The following ZMYM4 variants were observed in gnomAD, a reference collection of about 807,000 sequenced individuals.
ZMYM4 encodes the protein zinc finger MYM-type containing 4, also known as zinc finger MYM-type protein 4.
In ZMYM4, 31 loss-of-function variants were observed where a neutral mutation model predicts 183.2. The ratio of observed to expected loss-of-function variants is 0.17; its 90% CI spans 0.13 to 0.23. The LOEUF (loss-of-function observed/expected upper bound fraction) is 0.23, where lower values mean the gene tolerates loss of function less well. Among genes scored for constraint, ZMYM4 ranks in the 10% least tolerant of loss-of-function variants. The probability of loss-of-function intolerance (pLI) is 1.00; values close to 1 mark genes in which losing one functional copy is unlikely to be tolerated. For missense variants in ZMYM4, 1,273 were observed against 1,840.3 expected, an observed-to-expected ratio of 0.69 and a Z score of 5.64; for synonymous variants, 592 against 631.2, an observed-to-expected ratio of 0.94 and a Z score of 0.93.
At chr1:35,382,530 C>T (rs987906014) in intron 9 of ZMYM4, among the ~76,000 whole-genome samples, 6 of 151,182 alleles carry the variant, frequency 4.0e-5, no homozygotes, top group African/African-American at 1.2e-4. Context: ...GCAACCTCCA[C>T]CTCCCTGGTT....
At chr1:35,346,650 CAA>C (rs746472685) in intron 2 of ZMYM4, among the ~76,000 whole-genome samples, 8,187 of 53,972 alleles carry the variant, frequency 0.15, 319 homozygotes, top group East Asian at 0.38. Context: ...GACTCCATCT[CAA>C]AAAAAAAAAA....
intron 1 of ZMYM4, among the ~76,000 whole-genome samples, chr1:35,316,692 A>G (rs1303636051): frequency 6.6e-6 from 1 of 152,246 alleles, no homozygotes; most frequent in Admixed American, 6.5e-5. Flanking sequence ...TTTGCAAAAA[A>G]AGATGAAAGT....
At chr1:35,345,174 C>A (rs1643346521) in intron 2 of ZMYM4, among the ~76,000 whole-genome samples, 1 of 152,138 alleles carries the variant, frequency 6.6e-6, no homozygotes, top group Non-Finnish European at 1.5e-5. Flanking sequence ...TGCTTCTGGG[C>A]CTCTTGGCTA....
intron 27 of ZMYM4, among the ~76,000 whole-genome samples, chr1:35,414,845 A>G (rs568805126): frequency 9.2e-5 from 14 of 151,972 alleles, no homozygotes; most frequent in African/African-American, 3.1e-4. Context: ...CCAGGAGTTC[A>G]AGATCAGCCT....
At chr1:35,320,912 A>G (rs1341173455) in intron 1 of ZMYM4, among the ~76,000 whole-genome samples, 1 of 152,030 alleles carries the variant, frequency 6.6e-6, no homozygotes, top group Non-Finnish European at 1.5e-5. Flanking sequence ...CCTTTATAGA[A>G]TCTTGATTTC....
intron 2 of ZMYM4, 95 bp from the exon 3 acceptor site, chr1:35,358,830 G>GA (rs1325272615): frequency 9.1e-7 from 1 of 1,095,418 alleles, no homozygotes; most frequent in Non-Finnish European, 1.3e-6. Context: ...TATTTTGTTT[G>GA]AAAAAATATT....
chr1:35,305,898 T>A (rs1253923530), intron 1 of ZMYM4, among the ~76,000 whole-genome samples: 2 of 152,168 alleles, frequency 1.3e-5, no homozygotes, highest in Non-Finnish European at 2.9e-5. Flanking sequence ...TGGTTATATA[T>A]AATATCAGGG....
intron 2 of ZMYM4, among the ~76,000 whole-genome samples, chr1:35,330,828 A>G (rs908943540): frequency 7.2e-5 from 11 of 152,158 alleles, no homozygotes; most frequent in African/African-American, 2.7e-4. Context: ...ATCTTTCATT[A>G]CCTGTTTCTG....
intron 20 of ZMYM4, among the ~76,000 whole-genome samples, chr1:35,397,797 A>G (rs1221736650): frequency 1.3e-5 from 2 of 152,182 alleles, no homozygotes; most frequent in African/African-American, 2.4e-5. Flanking sequence ...TCAAGATTTC[A>G]TGATCATTTT....
chr1:35,412,124 C>T (rs1420313283), intron 26 of ZMYM4, among the ~76,000 whole-genome samples: 6 of 152,104 alleles, frequency 3.9e-5, no homozygotes, highest in Non-Finnish European at 7.3e-5. Flanking sequence ...TGTGATCCGC[C>T]CGCCTTAGCC....
chr1:35,308,257 G>T (rs1641636462), intron 1 of ZMYM4, among the ~76,000 whole-genome samples: 1 of 152,166 alleles, frequency 6.6e-6, no homozygotes, highest in Non-Finnish European at 1.5e-5. Context: ...CTCCCAAAGT[G>T]CTGGGATTAC....
At chr1:35,324,661 G>T (rs544512276) in intron 1 of ZMYM4, among the ~76,000 whole-genome samples, 6 of 152,228 alleles carry the variant, frequency 3.9e-5, no homozygotes, top group African/African-American at 1.4e-4. Context: ...CTTACAGTAG[G>T]CAAGGTTTAT....
chr1:35,313,918 A>G (rs1641918639), intron 1 of ZMYM4, among the ~76,000 whole-genome samples: 1 of 152,216 alleles, frequency 6.6e-6, no homozygotes, highest in Admixed American at 6.5e-5. Flanking sequence ...GCCTAAATTT[A>G]AAATAGAGCC....
chr1:35,302,687 A>T (rs972759175), intron 1 of ZMYM4, among the ~76,000 whole-genome samples: 1 of 151,636 alleles, frequency 6.6e-6, no homozygotes, highest in Non-Finnish European at 1.5e-5. Flanking sequence ...GCCCAGCCTA[A>T]TTTGACTATT....
chr1:35,270,036 C>T (rs1054301690), intron 1 of ZMYM4, among the ~76,000 whole-genome samples: 1 of 152,114 alleles, frequency 6.6e-6, no homozygotes, highest in Non-Finnish European at 1.5e-5. Context: ...TTCAGCTTAG[C>T]GTAAAATTAG....
intron 2 of ZMYM4, among the ~76,000 whole-genome samples, chr1:35,353,472 T>C (rs557276950): frequency 6.6e-6 from 1 of 152,338 alleles, no homozygotes; most frequent in South Asian, 2.1e-4. Context: ...AGATCCATTC[T>C]GTTTATTTCT....
At chr1:35,303,731 A>G (rs1364070488) in intron 1 of ZMYM4, among the ~76,000 whole-genome samples, 1 of 151,862 alleles carries the variant, frequency 6.6e-6, no homozygotes, top group Admixed American at 6.6e-5. Context: ...GCTGTTCTTT[A>G]TTTTCTATTT....
intron 5 of ZMYM4, among the ~76,000 whole-genome samples, chr1:35,368,756 A>G (rs1464344480): frequency 6.6e-6 from 1 of 152,146 alleles, no homozygotes; most frequent in Non-Finnish European, 1.5e-5. Flanking sequence ...TCGTGGCATT[A>G]CTGATTGTAC....
chr1:35,398,161 C>T (rs1308537967), intron 20 of ZMYM4, among the ~76,000 whole-genome samples: 1 of 152,120 alleles, frequency 6.6e-6, no homozygotes, highest in Non-Finnish European at 1.5e-5. Context: ...AGTGGCGGAA[C>T]CAGAACTTGA....
Sources: allele counts gnomAD v4.1 joint callset (sites outside exome capture counted in the v4.1 genomes callset), GRCh38; gene constraint gnomAD v4.1.1; transcripts MANE v1.5; gene names NCBI Gene and HGNC (gene_info 2026-07-23, HGNC 2026-07-21).